The following MASP2 variants were observed in gnomAD, a reference collection of about 807,000 sequenced individuals.
MASP2 encodes mannan-binding lectin serine protease 2.
In MASP2, 49 loss-of-function variants were observed where a neutral mutation model predicts 57.1. The observed-to-expected ratio is 0.86, with a 90% CI of 0.68 to 1.09. MASP2 has a LOEUF of 1.09. MASP2 is among the 50% of genes least tolerant of loss of function. MASP2 has a pLI of 0.00. For missense variants in MASP2, 900 were observed against 874.8 expected, an observed-to-expected ratio of 1.03 and a Z score of -0.36; for synonymous variants, 379 against 340.8, an observed-to-expected ratio of 1.11 and a Z score of -1.24.
chr1:11,027,529 A>T lies in MASP2; in HGVS notation c.1417T>A (p.Leu473Ile), dbSNP rs1643759459. The T allele has an allele frequency of 1.2e-6, 2 of 1,614,140 alleles. No individual in the cohort carries two copies. Among genetic ancestry groups the T allele is most frequent in the Non-Finnish European group, 1.7e-6 (2 of 1,180,022 alleles). The change falls in exon 11 of 11, where the codon TTA becomes ATA. Residue 473 changes from leucine (L) to isoleucine (I), a missense_variant. Coordinates refer to ENST00000400897, the MANE Select transcript of MASP2 (RefSeq NM_006610.4). ...LGGTTAAGAL[L>I]YDNWVLTAAH... ...GCTGTTAGGACCCAGTTGTCATATA[A>T]AAGTGCACCTGCTGCTGTGGTTCCA...
intron 7 of MASP2, among the ~76,000 whole-genome samples, chr1:11,035,151 T>C (rs1643878152): frequency 6.6e-6 from 1 of 152,132 alleles, no homozygotes; most frequent in Admixed American, 6.5e-5. Flanking sequence ...ACTCAACAGG[T>C]ATTGGCATTT....
rs755660862 is a variant in MASP2 at position 11,027,375 on chromosome 1, G to T, written c.1571C>A (p.Thr524Asn). Residue 524 changes from threonine (T) to asparagine (N), a missense_variant, in exon 11 of 11, where the codon ACT (threonine) becomes AAT (asparagine). Physicochemically the swap from Thr to Asn is moderately conservative, Grantham distance 65. Coordinates refer to ENST00000400897, the MANE Select transcript of MASP2 (RefSeq NM_006610.4). ...SEAVFIHEGY[T>N]HDAGFDNDIA... ...GTCATTGTCAAAGCCAGCATCATGA[G>T]TATAACCTTCATGTATAAAAACAGC... is the stretch of plus-strand genomic sequence containing the variant. The T allele has an allele frequency of 6.2e-6, 10 of 1,614,068 alleles. No individual in the cohort carries two copies.
intron 7 of MASP2, 61 bp downstream of exon 7, chr1:11,037,632 G>T: frequency 9.5e-7 from 1 of 1,047,308 alleles, no homozygotes; most frequent in Non-Finnish European, 1.4e-6. Flanking sequence ...TCTGCAGATA[G>T]AAATATGTTT....
In MASP2 at chr1:11,032,979, C is replaced by T. The variant is rs111593849; in HGVS notation, c.1087+1849G>A. Among the ~76,000 whole-genome samples, 313 of 152,240 alleles carry T rather than the reference C, an allele frequency of 2.1e-3. 2 individuals are homozygous for T. The highest frequency in any genetic ancestry group is 6.7e-3 in the African/African-American group (279 of 41,552). ...GTGGTATTACAGGTATTAAGATGTT[C>T]ATAATTTTCTGTATTTTCCATCTTC... On this transcript the variant is annotated intron_variant, in intron 8 of 10. Transcript: ENST00000400897.
Position 11,027,389 on chromosome 1 carries a change from T to G in MASP2, c.1557A>C (p.Ile519=). Residue 519 remains isoleucine (I), a synonymous_variant, in exon 11 of 11, where the codon ATA becomes ATC. Transcript: ENST00000400897. ...CAGCATCATGAGTATAACCTTCATG[T>G]ATAAAAACAGCTTCAGACCAGGCTT... The part of the protein sequence containing the change: ...YTQAWSEAVF[I]HEGYTHDAGF... 1 of 1,614,228 alleles carries G rather than the reference T, an allele frequency of 6.2e-7. No homozygotes were observed. The highest frequency in any genetic ancestry group is 8.5e-7 in the Non-Finnish European group (1 of 1,180,046).
At chr1:11,044,819 A>T (rs1308153136) in intron 4 of MASP2, 22 of 1,454,746 alleles carry the variant, frequency 1.5e-5, no homozygotes, top group Non-Finnish European at 1.9e-5. Flanking sequence ...CAGGTTTATT[A>T]TTGGGTCCAT....
In MASP2 at chr1:11,042,396, TTGGATGGA is replaced by T. The variant is rs141900678; in HGVS notation, c.889+471_889+478del. On this transcript the variant is annotated intron_variant, in intron 6 of 10. Coordinates refer to ENST00000400897, the MANE Select transcript of MASP2 (RefSeq NM_006610.4). The stretch of plus-strand genomic sequence containing the variant: ...AAGGATGAGTGAATGGATAGATGGA[TTGGATGGA>T]TGGATGGATGGATGGATGGATGGAT... Among the ~76,000 whole-genome samples the T allele has an allele frequency of 4.1e-3, 575 of 141,948 alleles. 8 individuals carry two copies. Among genetic ancestry groups the T allele is most frequent in the African/African-American group, 0.014 (501 of 36,028 alleles). The allele number at this position is 141,948 out of a possible 152,430, so 93.1% of individuals were successfully genotyped here. A position where few individuals can be genotyped will look rare whatever the true frequency, so the allele number is the denominator to read the frequency against.
At chr1:11,036,136 TTAAAA>T (rs1388354982) in intron 7 of MASP2, among the ~76,000 whole-genome samples, 10 of 152,032 alleles carry the variant, frequency 6.6e-5, no homozygotes, top group African/African-American at 1.9e-4. Context: ...AAATCAAACA[TTAAAA>T]TAAAAGAAGA....
intron 9 of MASP2, 100 bp downstream of exon 9, chr1:11,030,648 G>A (rs994736436): frequency 1.5e-6 from 2 of 1,340,396 alleles, no homozygotes; most frequent in African/African-American, 2.9e-5. Flanking sequence ...TTAATCTTTT[G>A]TCTAGCCTTA....
At chr1:11,035,778 C>T (rs1485114451) in intron 7 of MASP2, among the ~76,000 whole-genome samples, 1 of 151,548 alleles carries the variant, frequency 6.6e-6, no homozygotes, top group Admixed American at 6.6e-5. Flanking sequence ...TGCCTGTAGT[C>T]CCAGCTACTT....
At chr1:11,046,482 G>T in intron 3 of MASP2, 74 bp downstream of exon 3, 1 of 1,548,378 alleles carries the variant, frequency 6.5e-7, no homozygotes, top group South Asian at 1.1e-5. Flanking sequence ...AGGCAGGGCT[G>T]CCTGGCCTAA....
chr1:11,035,956 G>A (rs1324377216), intron 7 of MASP2, among the ~76,000 whole-genome samples: 1 of 150,516 alleles, frequency 6.6e-6, no homozygotes, highest in Non-Finnish European at 1.5e-5. Flanking sequence ...AAGCAGGTGT[G>A]ATCAGACTTG....
chr1:11,034,638 G>T (rs926378036), intron 8 of MASP2, among the ~76,000 whole-genome samples, 190 bp downstream of exon 8: 1 of 149,390 alleles, frequency 6.7e-6, no homozygotes, highest in Non-Finnish European at 1.5e-5. Context: ...GATAGAAATT[G>T]CAGTGAGCCG....
intron 8 of MASP2, among the ~76,000 whole-genome samples, chr1:11,032,171 G>T (rs1031095909): frequency 6.6e-6 from 1 of 152,160 alleles, no homozygotes; most frequent in Admixed American, 6.5e-5. Flanking sequence ...GGGAGTTTGA[G>T]GGTGTGTCAC....
chr1:11,036,548 A>G lies in MASP2; in HGVS notation c.1008+1145T>C, dbSNP rs1177920894. Reference sequence around the variant, plus strand: ...AAAAAAAAAAAAAAACAAAAAAAAAAGAAACTAAAGAAGTCTGTGGTCCGA... The same window carrying G: ...AAAAAAAAAAAAAAACAAAAAAAAAGGAAACTAAAGAAGTCTGTGGTCCGA... On this transcript the variant is annotated intron_variant, in intron 7 of 10. Transcript: ENST00000400897. Among the ~76,000 whole-genome samples, 6 of 147,470 alleles carry G rather than the reference A, an allele frequency of 4.1e-5. No homozygotes were observed. The East Asian group carries it at 1.2e-3, about 29-fold the overall frequency.
intron 7 of MASP2, among the ~76,000 whole-genome samples, chr1:11,037,400 T>G (rs555464250): frequency 6.6e-6 from 1 of 152,206 alleles, no homozygotes; most frequent in East Asian, 1.9e-4. Context: ...AGTTGCCCAT[T>G]TTAATCACCA....
chr1:11,035,528 A>AATCATCATC (rs113627607), intron 7 of MASP2, among the ~76,000 whole-genome samples: 152 of 147,646 alleles, frequency 1.0e-3, no homozygotes, highest in African/African-American at 3.0e-3. Flanking sequence ...CCCTGTCTCA[A>AATCATCATC]ATCATCATCA....
intron 8 of MASP2, among the ~76,000 whole-genome samples, chr1:11,031,697 A>C (rs978159688): frequency 5.3e-5 from 8 of 151,890 alleles, no homozygotes; most frequent in African/African-American, 1.9e-4. Flanking sequence ...GGGAGGCCAA[A>C]GTGGGAGGGT....
rs772693466 is a variant in MASP2, at chr1:11,030,885, A to G, written c.1088-3T>C. Reference sequence around the variant, plus strand: ...ATCAGGAGGGCCACAGTCAACAACTAAGAAAGAAGCATGGGAGGGAGGAAT... The same window carrying G: ...ATCAGGAGGGCCACAGTCAACAACTGAGAAAGAAGCATGGGAGGGAGGAAT... On this transcript the variant is annotated splice_polypyrimidine_tract_variant and splice_region_variant and intron_variant, in intron 8 of 10. Coordinates refer to ENST00000400897, the MANE Select transcript of MASP2 (RefSeq NM_006610.4). 6.2e-7 allele frequency: 1 copy of G among 1,611,480 alleles called. No homozygotes were observed. Among genetic ancestry groups the G allele is most frequent in the Non-Finnish European group, 8.5e-7 (1 of 1,179,064 alleles).
Sources: allele counts gnomAD v4.1 joint callset (sites outside exome capture counted in the v4.1 genomes callset), GRCh38; gene constraint gnomAD v4.1.1; transcripts MANE v1.5; gene names NCBI Gene and HGNC (gene_info 2026-07-23, HGNC 2026-07-21).